The following ADAMTS2 variants were observed in gnomAD, a reference collection of about 807,000 sequenced individuals.
ADAMTS2 encodes ADAM metallopeptidase with thrombospondin type 1 motif 2, also known as A disintegrin and metalloproteinase with thrombospondin motifs 2.
In ADAMTS2, 50 loss-of-function variants were observed where a neutral mutation model predicts 123.0. That is an observed-to-expected ratio of 0.41 (90% CI 0.32 to 0.51). The LOEUF is 0.51. Among genes scored for constraint, ADAMTS2 ranks in the 20% least tolerant of loss-of-function variants. The pLI, the probability that ADAMTS2 is intolerant of heterozygous loss-of-function variation, is 0.35. For missense variants in ADAMTS2, 1,494 were observed against 1,705.2 expected, an observed-to-expected ratio of 0.88 and a Z score of 2.18; for synonymous variants, 678 against 695.4, an observed-to-expected ratio of 0.98 and a Z score of 0.39.
Position 179,117,607 on chromosome 5 carries a change from C to T in ADAMTS2, c.3179-3283G>A, listed in dbSNP as rs1305851957. 1.3e-5 allele frequency among the ~76,000 whole-genome samples: 2 copies of T among 150,066 alleles called. No individual in the cohort carries two copies. Among genetic ancestry groups the T allele is most frequent in the African/African-American group, 4.9e-5 (2 of 40,572 alleles). On this transcript the variant is annotated intron_variant, in intron 21 of 21. Transcript: ENST00000251582. This position sits in a 1 kb window ranked among gnomAD's most constrained non-coding sequence, Gnocchi z 4.2. ...TTGCTCTGTCGCCCAGGCTGGAGTG[C>T]AGTGGCGTGATCTTGGCTCACTGCA...
chr5:179,147,741 C>T (rs1763278206), intron 10 of ADAMTS2, among the ~76,000 whole-genome samples: 1 of 152,136 alleles, frequency 6.6e-6, no homozygotes, highest in African/African-American at 2.4e-5. Flanking sequence ...CAAATGCCCT[C>T]AATCCATTTT....
chr5:179,241,511 A>G (rs574304609), intron 3 of ADAMTS2, among the ~76,000 whole-genome samples: 1 of 152,354 alleles, frequency 6.6e-6, no homozygotes, highest in African/African-American at 2.4e-5. Context: ...ACTGCCTTCC[A>G]AACAGAGTCA....
At chr5:179,339,452 C>T (rs1487753128) in intron 2 of ADAMTS2, among the ~76,000 whole-genome samples, 1 of 152,226 alleles carries the variant, frequency 6.6e-6, no homozygotes, top group Admixed American at 6.5e-5. Flanking sequence ...GCCAACACTC[C>T]TCAGGACCCC....
At chr5:179,139,073 C>T (rs1212910232) in intron 11 of ADAMTS2, among the ~76,000 whole-genome samples, 5 of 152,184 alleles carry the variant, frequency 3.3e-5, no homozygotes, top group South Asian at 2.1e-4. Flanking sequence ...AAGGAAAGAC[C>T]GAAGCTCTGT....
chr5:179,274,023 C>T (rs1335853174), intron 2 of ADAMTS2, among the ~76,000 whole-genome samples: 36 of 150,702 alleles, frequency 2.4e-4, no homozygotes, highest in African/African-American at 8.5e-4. Flanking sequence ...ATCCCCAGCT[C>T]GGCCATCTGG....
chr5:179,314,725 C>G lies in ADAMTS2; in HGVS notation c.534+29042G>C, dbSNP rs1391785337. Among the ~76,000 whole-genome samples, 6 of 152,252 alleles carry G rather than the reference C, an allele frequency of 3.9e-5. No individual in the cohort carries two copies. In the East Asian group the frequency reaches 9.7e-4, roughly 25 times the overall value. ...ACGCTCTTCCACCAAGCCCTTGTAG[C>G]CTTCCTGCACCCAGGTGGGGCTCCT... On this transcript the variant is annotated intron_variant, in intron 2 of 21. Coordinates refer to ENST00000251582, the MANE Select transcript of ADAMTS2 (RefSeq NM_014244.5). This position sits in a 1 kb window ranked among gnomAD's most constrained non-coding sequence, Gnocchi z 4.5.
Position 179,332,701 on chromosome 5 carries a change from AG to A in ADAMTS2, c.534+11065del, listed in dbSNP as rs963439695. On this transcript the variant is annotated intron_variant, in intron 2 of 21. Transcript: ENST00000251582. The surrounding 1 kb of genome is among the most constrained non-coding windows in gnomAD (Gnocchi z 4.2). ...CCATCGTGCAGAGAGGGGAGGGCAG[AG>A]GGGAGGGAGGGAGGGGATGGGAGAG... 1.7e-4 allele frequency among the ~76,000 whole-genome samples: 7 copies of A among 40,978 alleles called. No individual in the cohort carries two copies. Among genetic ancestry groups the A allele is most frequent in the African/African-American group, 6.7e-4 (7 of 10,522 alleles). The allele number at this position is 40,978 out of a possible 152,430, so 26.9% of individuals were successfully genotyped here.
chr5:179,224,200 G>A lies in ADAMTS2; in HGVS notation c.689-16485C>T, dbSNP rs536463115. The stretch of plus-strand genomic sequence containing the variant: ...TCAGCGGGGCAGGTGGATGCTGTGC[G>A]CTTACTGCAGCCATGCGGTGGGTGC... On this transcript the variant is annotated intron_variant, in intron 3 of 21. Transcript: ENST00000251582. Among the ~76,000 whole-genome samples the A allele has an allele frequency of 8.5e-5, 13 of 152,304 alleles. No homozygotes were observed. The East Asian group carries it at 1.4e-3, about 16-fold the overall frequency.
In ADAMTS2 at chr5:179,256,646, G is replaced by A. The variant is rs1766062498; in HGVS notation, c.688+16265C>T. Reference sequence around the variant, plus strand: ...GCAGGCGGGGCCAGCATGAGTGGGGGGGCCAGGCACGAATCGGCAGGGAGG... The same window carrying A: ...GCAGGCGGGGCCAGCATGAGTGGGGAGGCCAGGCACGAATCGGCAGGGAGG... On this transcript the variant is annotated intron_variant, in intron 3 of 21. Transcript: ENST00000251582. The surrounding 1 kb of genome is among the most constrained non-coding windows in gnomAD (Gnocchi z 4.1). Among the ~76,000 whole-genome samples, 1 of 152,156 alleles carries A rather than the reference G, an allele frequency of 6.6e-6. No individual in the cohort carries two copies. The highest frequency in any genetic ancestry group is 1.5e-5 in the Non-Finnish European group (1 of 68,024).
chr5:179,200,866 A>G (rs1224186476), intron 4 of ADAMTS2, among the ~76,000 whole-genome samples: 1 of 151,910 alleles, frequency 6.6e-6, no homozygotes, highest in Non-Finnish European at 1.5e-5. Flanking sequence ...TTTCCCACAC[A>G]TGTGACAGAC....
chr5:179,298,625 C>A (rs560466361), intron 2 of ADAMTS2, among the ~76,000 whole-genome samples: 1 of 152,132 alleles, frequency 6.6e-6, no homozygotes, highest in African/African-American at 2.4e-5. Flanking sequence ...AGAATACACA[C>A]GTGGCAGGAG....
intron 2 of ADAMTS2, among the ~76,000 whole-genome samples, chr5:179,277,321 A>C (rs390809): frequency 0.79 from 48,848 of 61,546 alleles, 18,639 homozygotes; most frequent in South Asian, 0.84. Context: ...AAAGGCTGAC[A>C]CCCCGAGACC....
chr5:179,269,375 T>C (rs1055347979), intron 3 of ADAMTS2, among the ~76,000 whole-genome samples: 2 of 150,006 alleles, frequency 1.3e-5, no homozygotes, highest in Non-Finnish European at 3.0e-5. Flanking sequence ...AAGAGGTTTA[T>C]TGGACTTACA....
intron 21 of ADAMTS2, among the ~76,000 whole-genome samples, chr5:179,116,312 T>C (rs115582001): frequency 0.01 from 1,162 of 115,350 alleles, 13 homozygotes; most frequent in African/African-American, 0.035. Flanking sequence ...CCTTTCCCCT[T>C]TCCAACCTCC....
intron 3 of ADAMTS2, among the ~76,000 whole-genome samples, chr5:179,238,860 C>G (rs908416990): frequency 6.6e-6 from 1 of 152,142 alleles, no homozygotes; most frequent in African/African-American, 2.4e-5. Flanking sequence ...CAAAGGATCC[C>G]TGACCACGGA....
chr5:179,139,792 G>T, intron 11 of ADAMTS2, 98 bp downstream of exon 11: 1 of 1,557,704 alleles, frequency 6.4e-7, no homozygotes, highest in Non-Finnish European at 8.7e-7. Flanking sequence ...GAACTGGTGT[G>T]CAGCCACAGG....
At chr5:179,277,465 C>T (rs1347109631) in intron 2 of ADAMTS2, among the ~76,000 whole-genome samples, 1 of 48,836 alleles carries the variant, frequency 2.0e-5, no homozygotes, top group African/African-American at 6.7e-5. Context: ...GACCCCCCCC[C>T]CCGAGACCAA....
intron 3 of ADAMTS2, among the ~76,000 whole-genome samples, chr5:179,248,361 A>G (rs1439276243): frequency 6.6e-6 from 1 of 152,168 alleles, no homozygotes; most frequent in Non-Finnish European, 1.5e-5. Context: ...AATAGCAGAT[A>G]GCAGAATTCA....
chr5:179,270,230 G>A (rs944700407), intron 3 of ADAMTS2, among the ~76,000 whole-genome samples: 2 of 152,092 alleles, frequency 1.3e-5, no homozygotes, highest in Non-Finnish European at 2.9e-5. Context: ...TGAGCAGCCC[G>A]TGGGCTTCTC....
Sources: allele counts gnomAD v4.1 joint callset (sites outside exome capture counted in the v4.1 genomes callset), GRCh38; gene constraint gnomAD v4.1.1; non-coding constraint Gnocchi (gnomAD v3.1); transcripts MANE v1.5; gene names NCBI Gene and HGNC (gene_info 2026-07-23, HGNC 2026-07-21).